The following CTC1 variants were observed in gnomAD, a reference collection of about 807,000 sequenced individuals.
The protein encoded by CTC1 is CST telomere replication complex component 1, also known as CST complex subunit CTC1.
Under a neutral mutation model 136.3 loss-of-function variants are expected in CTC1, and 91 were observed. That is an observed-to-expected ratio of 0.67 (90% CI 0.56 to 0.79). The LOEUF (loss-of-function observed/expected upper bound fraction) is 0.79. CTC1 is among the 30% of genes least tolerant of loss of function. CTC1 has a pLI of 0.00. For synonymous variants in CTC1, 606 were observed against 613.8 expected, an observed-to-expected ratio of 0.99 and a Z score of 0.19; for missense variants, 1,432 against 1,498.1, an observed-to-expected ratio of 0.96 and a Z score of 0.73.
At chr17:8,243,893 G>A (rs532819290) in intron 1 of CTC1, among the ~76,000 whole-genome samples, 123 of 152,266 alleles carry the variant, frequency 8.1e-4, no homozygotes, top group African/African-American at 2.6e-3. Context: ...ACAACATGGC[G>A]AAATCATGTC....
intron 1 of CTC1, among the ~76,000 whole-genome samples, chr17:8,245,507 T>G (rs755576845): frequency 3.3e-5 from 5 of 152,112 alleles, no homozygotes; most frequent in Non-Finnish European, 7.3e-5. Flanking sequence ...TATTCTTTTG[T>G]AGTTCCTGTT....
intron 4 of CTC1, 130 bp from the exon 5 acceptor site, chr17:8,237,649 G>T: frequency 3.0e-5 from 5 of 164,956 alleles, no homozygotes; most frequent in East Asian, 1.9e-4. Context: ...TGGGCAGCAG[G>T]AGTGAAACTA....
Position 8,231,830 on chromosome 17 carries a change from A to G in CTC1, c.2386-15T>C. The G allele has an allele frequency of 6.2e-7, 1 of 1,614,056 alleles. No individual in the cohort carries two copies. The highest frequency in any genetic ancestry group is 8.5e-7 in the Non-Finnish European group (1 of 1,179,934). On this transcript the variant is annotated splice_polypyrimidine_tract_variant and intron_variant, in intron 13 of 22. Coordinates refer to ENST00000651323, the MANE Select transcript of CTC1 (RefSeq NM_025099.6). ...ATGAGGTGAACCTGGGAGGATGGAG[A>G]GCAAAGTGCTGGGATCCTAGCCAGA...
At chr17:8,239,506 C>T (rs76091569) in intron 2 of CTC1, among the ~76,000 whole-genome samples, 12,820 of 151,354 alleles carry the variant, frequency 0.085, 703 homozygotes, top group South Asian at 0.16. Context: ...CCATTATTCT[C>T]GCTTGCATTC....
rs575769594 is a variant in CTC1 at position 8,226,642 on chromosome 17, G to C, written c.*1538C>G. ...GGCAGGATTCGAACCTGCGCGGGGA[G>C]ACCCCAATGGATTTCTAGTCCATCG... is the stretch of plus-strand genomic sequence containing the variant. On this transcript the variant is annotated 3_prime_UTR_variant, in exon 23 of 23. Coordinates refer to ENST00000651323, the MANE Select transcript of CTC1 (RefSeq NM_025099.6). The C allele has an allele frequency of 6.6e-6, 1 of 152,218 alleles. No individual in the cohort carries two copies. Among genetic ancestry groups the C allele is most frequent in the Non-Finnish European group, 1.5e-5 (1 of 68,050 alleles). The allele number at this position is 152,218 out of a possible 1,614,324, so 9.4% of individuals were successfully genotyped here. A position where few individuals can be genotyped will look rare whatever the true frequency, so the allele number is the denominator to read the frequency against.
In CTC1 at chr17:8,232,409, G is replaced by A. The variant is rs764799661; in HGVS notation, c.2012C>T (p.Ser671Phe). ...VERDVRSSFP[S>F]WKELSMPGFI... is the part of the protein sequence containing the mutation. ...GCCTGGCATGCTCAGCTCCTTCCAG[G>A]AAGGGAAGCTGCTTCTCACGTCCCT... Residue 671 changes from serine to phenylalanine, a missense_variant, in exon 12 of 23, where the codon TCC becomes TTC. By Grantham distance (155) the Ser-to-Phe change is radical. Coordinates refer to ENST00000651323, the MANE Select transcript of CTC1 (RefSeq NM_025099.6). 1 of 1,614,044 alleles carries A rather than the reference G, an allele frequency of 6.2e-7. No individual in the cohort carries two copies. The highest frequency in any genetic ancestry group is 2.2e-5 in the East Asian group (1 of 44,896).
intron 2 of CTC1, among the ~76,000 whole-genome samples, chr17:8,241,900 G>C (rs1337583141): frequency 1.3e-5 from 2 of 149,486 alleles, no homozygotes; most frequent in Non-Finnish European, 3.0e-5. Context: ...CATAGGGTAC[G>C]GTACCATTTA....
rs1264286773 is a variant in CTC1, at chr17:8,232,011, G to A, written c.2277C>T (p.Pro759=). The change falls in exon 13 of 23, where the codon CCC becomes CCT. Residue 759 remains proline, a synonymous_variant. Transcript: ENST00000651323. ...PPGASPEVPK[P]ALSFYVLGSW... Reference sequence around the variant, plus strand: ...TCCCCAACACATAGAAACTGAGGGCGGGCTTGGGCACCTCTGGACTTGCTC... The same window carrying A: ...TCCCCAACACATAGAAACTGAGGGCAGGCTTGGGCACCTCTGGACTTGCTC... The A allele has an allele frequency of 1.0e-5, 16 of 1,602,502 alleles. No homozygotes were observed. Among genetic ancestry groups the A allele is most frequent in the Middle Eastern group, 1.7e-4 (1 of 6,012 alleles).
In CTC1 at chr17:8,236,091, A is replaced by T. The variant is rs927153682; in HGVS notation, c.1044T>A (p.Ser348Arg). The T allele has an allele frequency of 6.2e-7, 1 of 1,614,020 alleles. No homozygotes were observed. Among genetic ancestry groups the T allele is most frequent in the African/African-American group, 1.3e-5 (1 of 74,918 alleles). ...SNSEDKKDPE[S>R]LVRYSRLLSY... ...ATAGGAGTCTAGAATACCGGACAAG[A>T]CTTTCTGGATCCTTCTTGTCCTCCG... The change falls in exon 6 of 23, where the codon AGT becomes AGA. Residue 348 changes from serine (S) to arginine (R), a missense_variant. Physicochemically the swap from Ser to Arg is moderately radical, Grantham distance 110. Transcript: ENST00000651323.
intron 4 of CTC1, 56 bp from the exon 5 acceptor site, chr17:8,237,575 G>C: frequency 7.0e-7 from 1 of 1,437,684 alleles, no homozygotes; most frequent in South Asian, 1.2e-5. Context: ...TGAGGGAGGA[G>C]AATCACTTGA....
chr17:8,229,958 C>T lies in CTC1; in HGVS notation c.2944G>A (p.Val982Ile), dbSNP rs1270476799. Reference protein sequence around the residue: ...LEKRVSRSHNVYCCFRSSTYV... With the variant: ...LEKRVSRSHNIYCCFRSSTYV... ...GTGGATGACCGGAAACAACAATAAA[C>T]ATTGTGAGATCTGCAAGTGGAAGAG... The change falls in exon 18 of 23, where the codon GTT (valine) becomes ATT (isoleucine). Residue 982 changes from valine (V) to isoleucine (I), a missense_variant. Physicochemically the swap from Val to Ile is conservative, Grantham distance 29 (BLOSUM62 3). Transcript: ENST00000651323. 2 of 1,614,070 alleles carry T rather than the reference C, an allele frequency of 1.2e-6. No homozygotes were observed. Among genetic ancestry groups the T allele is most frequent in the Non-Finnish European group, 1.7e-6 (2 of 1,180,016 alleles).
chr17:8,237,042 T>TC (rs954923339), intron 5 of CTC1, among the ~76,000 whole-genome samples: 1 of 151,374 alleles, frequency 6.6e-6, no homozygotes, highest in South Asian at 2.1e-4. Flanking sequence ...TACCAAGTTT[T>TC]TTTTTTTTTT....
rs373532145 is a variant in CTC1, at chr17:8,234,831, T to A, written c.1535A>T (p.Asp512Val). The A allele has an allele frequency of 5.0e-6, 8 of 1,613,272 alleles. No individual in the cohort carries two copies. Among genetic ancestry groups the A allele is most frequent in the Non-Finnish European group, 6.8e-6 (8 of 1,179,708 alleles). The stretch of plus-strand genomic sequence containing the variant: ...AGGGCTGCCTGGCGGAGCTAGAAGA[T>A]CCAGGGTAGGAGCCAGGAGTTGCAG... The part of the protein sequence containing the change: ...LGLQLLAPTL[D>V]LLAPPGSPVR... Residue 512 changes from aspartate (D) to valine (V), a missense_variant, in exon 9 of 23, where the codon GAT becomes GTT. Physicochemically the swap from Asp to Val is radical, Grantham distance 152. Coordinates refer to ENST00000651323, the MANE Select transcript of CTC1 (RefSeq NM_025099.6).
intron 2 of CTC1, among the ~76,000 whole-genome samples, chr17:8,239,048 C>A (rs1164031752): frequency 6.9e-6 from 1 of 144,984 alleles, no homozygotes. Context: ...GCTGAGATCA[C>A]GCCACTGCAC....
intron 1 of CTC1, among the ~76,000 whole-genome samples, chr17:8,244,316 T>C (rs1988506078): frequency 6.6e-6 from 1 of 152,210 alleles, no homozygotes; most frequent in African/African-American, 2.4e-5. Flanking sequence ...TTTGTATACC[T>C]GACACAGATT....
At chr17:8,231,672 C>A (rs982282413) in intron 14 of CTC1, 54 bp downstream of exon 14, 34 of 1,545,530 alleles carry the variant, frequency 2.2e-5, no homozygotes, top group Non-Finnish European at 3.0e-5. Context: ...CCTCTTTAGA[C>A]CCCAACCCCA....
intron 1 of CTC1, among the ~76,000 whole-genome samples, chr17:8,244,352 T>C (rs966796603): frequency 1.3e-5 from 2 of 152,194 alleles, no homozygotes; most frequent in Non-Finnish European, 2.9e-5. Context: ...CCATGATATG[T>C]AGATAACTTT....
In CTC1 at chr17:8,234,944, GCA is replaced by G. The variant is rs1332067370; in HGVS notation, c.1440-20_1440-19del. The G allele has an allele frequency of 5.6e-6, 9 of 1,592,942 alleles. No homozygotes were observed. The highest frequency in any genetic ancestry group is 2.7e-5 in the African/African-American group (2 of 74,416). ...GACACAGCCTTGGCCAGGAAAAGCA[GCA>G]CAGTCACTTCCCCTGAAGAGCCTGC... On this transcript the variant is annotated intron_variant, in intron 8 of 22. Coordinates refer to ENST00000651323, the MANE Select transcript of CTC1 (RefSeq NM_025099.6).
At chr17:8,242,928 A>C in intron 2 of CTC1, 57 bp downstream of exon 2, 2 of 1,495,146 alleles carry the variant, frequency 1.3e-6, no homozygotes, top group Admixed American at 2.1e-5. Context: ...CTTACTTTTC[A>C]ATCCTGAATT....
Sources: gnomAD v4.1 joint callset for allele counts (sites outside exome capture counted in the v4.1 genomes callset) on GRCh38, gnomAD v4.1.1 for gene constraint, MANE v1.5 for transcripts, NCBI Gene and HGNC (gene_info 2026-07-23, HGNC 2026-07-21) for gene names.